Variants in BMPER observed in about 807,000 individuals in gnomAD.
BMPER encodes BMP-binding endothelial regulator protein.
Under a neutral mutation model 87.3 loss-of-function variants are expected in BMPER, and 45 were observed. The observed-to-expected ratio is 0.52, with a 90% confidence interval of 0.41 to 0.66. The LOEUF is 0.66. BMPER is among the 30% of genes least tolerant of loss of function. BMPER has a pLI of 0.00. For synonymous variants in BMPER, 326 were observed against 316.2 expected, an observed-to-expected ratio of 1.03 and a Z score of -0.33; for missense variants, 784 against 867.5, an observed-to-expected ratio of 0.90 and a Z score of 1.21.
intron 2 of BMPER, among the ~76,000 whole-genome samples, chr7:33,922,773 G>A (rs938438890): frequency 2.0e-5 from 3 of 152,126 alleles, no homozygotes; most frequent in East Asian, 3.9e-4. Context: ...GTTAGCTAAC[G>A]GGCTAGCTTG....
At chr7:33,914,637 G>A (rs1317701386) in intron 2 of BMPER, among the ~76,000 whole-genome samples, 1 of 152,162 alleles carries the variant, frequency 6.6e-6, no homozygotes, top group Non-Finnish European at 1.5e-5. Flanking sequence ...TTACCTGTCT[G>A]CATAGAAATA....
intron 13 of BMPER, among the ~76,000 whole-genome samples, chr7:34,130,242 C>CA (rs1790548172): frequency 6.6e-6 from 1 of 151,974 alleles, no homozygotes; most frequent in Non-Finnish European, 1.5e-5. Flanking sequence ...ATTATCTCCT[C>CA]ATTTCTCTCC....
At chr7:33,950,887 G>T (rs1785004119) in intron 3 of BMPER, among the ~76,000 whole-genome samples, 1 of 152,162 alleles carries the variant, frequency 6.6e-6, no homozygotes, top group South Asian at 2.1e-4. Context: ...CTTACAGCTA[G>T]AAGATAGCTT....
chr7:33,967,456 T>C (rs753835446), intron 4 of BMPER, among the ~76,000 whole-genome samples: 1 of 152,236 alleles, frequency 6.6e-6, no homozygotes, highest in Non-Finnish European at 1.5e-5. Flanking sequence ...TAGGTAGTTA[T>C]ATTCCTATTA....
At position 34,079,008 on chromosome 7, in the gene BMPER, C is replaced by CCGGACA. The variant is rs778597874; in HGVS notation, c.1233_1238dup (p.Thr412_Arg413dup). ...AGGTGCTGGTGAAGAACGACGCCCGCCGGACACGCTCCTTCTCGTGGACCA... is the reference window on the plus strand; with the variant it reads ...AGGTGCTGGTGAAGAACGACGCCCGCCGGACACGGACACGCTCCTTCTCGTGGACCA... On this transcript the variant is annotated inframe_insertion, in exon 12 of 15. Transcript: ENST00000649409. 1.2e-6 allele frequency: 2 copies of CCGGACA among 1,614,248 alleles called. No individual in the cohort carries two copies. Among genetic ancestry groups the CCGGACA allele is most frequent in the South Asian group, 2.2e-5 (2 of 91,088 alleles).
chr7:34,119,810 A>G (rs1232910860), intron 13 of BMPER, among the ~76,000 whole-genome samples: 1 of 152,204 alleles, frequency 6.6e-6, no homozygotes, highest in African/African-American at 2.4e-5. Flanking sequence ...AAAAGTAGTT[A>G]TATATGGTTA....
intron 4 of BMPER, among the ~76,000 whole-genome samples, chr7:33,970,107 G>A (rs1168518561): frequency 6.6e-6 from 1 of 152,206 alleles, no homozygotes; most frequent in African/African-American, 2.4e-5. Context: ...AGAAAGCAAA[G>A]ACGGGGGAAA....
intron 11 of BMPER, among the ~76,000 whole-genome samples, chr7:34,062,949 G>C (rs1428360609): frequency 6.6e-6 from 1 of 152,134 alleles, no homozygotes; most frequent in Non-Finnish European, 1.5e-5. Context: ...GGCCTATTCT[G>C]AAAACTGTCT....
At chr7:34,151,211 A>G (rs991710565) in intron 14 of BMPER, among the ~76,000 whole-genome samples, 22 of 152,192 alleles carry the variant, frequency 1.4e-4, no homozygotes, top group Non-Finnish European at 2.2e-4. Flanking sequence ...TGCAAATGGA[A>G]AATTCCAATC....
At chr7:34,058,229 C>T (rs1033431817) in intron 10 of BMPER, 66 bp downstream of exon 10, 27 of 1,428,324 alleles carry the variant, frequency 1.9e-5, no homozygotes, top group East Asian at 1.4e-4. Flanking sequence ...GTGGCACAGT[C>T]GCATGCCATC....
chr7:34,148,024 G>T (rs939440161), intron 14 of BMPER, among the ~76,000 whole-genome samples: 2 of 152,078 alleles, frequency 1.3e-5, no homozygotes, highest in African/African-American at 2.4e-5. Context: ...GTTTGCCAAG[G>T]CTTGTGGGGT....
chr7:34,009,831 T>C (rs1786832213), intron 6 of BMPER, among the ~76,000 whole-genome samples: 1 of 151,978 alleles, frequency 6.6e-6, no homozygotes. Context: ...ACAGCATCAC[T>C]TTGCTTGTGT....
In BMPER at chr7:34,095,396, G is replaced by T. The variant is rs540831090; in HGVS notation, c.1745+9304G>T. On this transcript the variant is annotated intron_variant, in intron 13 of 14. Transcript: ENST00000649409. ...ATGTGATAATTCAAAGTTAATGTTG[G>T]CGTGTCAGTTGCAGTTAGGACCACC... Among the ~76,000 whole-genome samples, 66 of 152,264 alleles carry T rather than the reference G, an allele frequency of 4.3e-4. No individual in the cohort carries two copies. The Middle Eastern group carries it at 0.014, about 31-fold the overall frequency.
chr7:34,075,407 G>GA (rs534826873), intron 11 of BMPER, among the ~76,000 whole-genome samples: 36 of 152,228 alleles, frequency 2.4e-4, no homozygotes, highest in Non-Finnish European at 4.9e-4. Flanking sequence ...TTACCTTAGA[G>GA]AAAAAACACT....
chr7:34,077,090 T>C (rs776379090), intron 11 of BMPER, among the ~76,000 whole-genome samples: 3 of 152,198 alleles, frequency 2.0e-5, no homozygotes, highest in African/African-American at 7.2e-5. Flanking sequence ...CTGATGCCAC[T>C]TGGGGTCCCA....
intron 9 of BMPER, among the ~76,000 whole-genome samples, chr7:34,057,221 T>A (rs1274860826): frequency 6.6e-6 from 1 of 152,190 alleles, no homozygotes; most frequent in East Asian, 1.9e-4. Context: ...CTTGTTTTGT[T>A]TTCAGCCCAA....
chr7:34,085,868 C>T lies in BMPER; in HGVS notation c.1521C>T (p.Asp507=). 6.2e-7 allele frequency: 1 copy of T among 1,614,108 alleles called. No individual in the cohort carries two copies. The highest frequency in any genetic ancestry group is 8.5e-7 in the Non-Finnish European group (1 of 1,180,032). Residue 507 remains aspartate, a synonymous_variant, in exon 13 of 15, where the codon GAC becomes GAT. Coordinates refer to ENST00000649409, the MANE Select transcript of BMPER (RefSeq NM_001365308.1). ...CGNYNGHKRD[D]LIGGDGNFKF... is the part of the protein sequence containing the mutation. Reference sequence around the variant, plus strand: ...ACTACAATGGACATAAACGTGATGACTTAATTGGTGGAGATGGAAACTTCA... The same window carrying T: ...ACTACAATGGACATAAACGTGATGATTTAATTGGTGGAGATGGAAACTTCA...
At chr7:34,119,908 A>G (rs1443758079) in intron 13 of BMPER, among the ~76,000 whole-genome samples, 1 of 152,188 alleles carries the variant, frequency 6.6e-6, no homozygotes, top group Non-Finnish European at 1.5e-5. Flanking sequence ...AAACCAACCA[A>G]TGAAAGTTGT....
chr7:34,146,953 G>A (rs931032388), intron 14 of BMPER, among the ~76,000 whole-genome samples: 2 of 152,154 alleles, frequency 1.3e-5, no homozygotes, highest in Non-Finnish European at 2.9e-5. Context: ...CTCTAAATGT[G>A]TTGTGATCTT....
Sources: gnomAD v4.1 joint callset for allele counts (sites outside exome capture counted in the v4.1 genomes callset) on GRCh38, gnomAD v4.1.1 for gene constraint, MANE v1.5 for transcripts, NCBI Gene and HGNC (gene_info 2026-07-23, HGNC 2026-07-21) for gene names.